RFTN2: variants seen among roughly 807,000 people sequenced by gnomAD.
The protein encoded by RFTN2 is raftlin family member 2.
Under a neutral mutation model 52.7 loss-of-function variants are expected in RFTN2, and 34 were observed. That is an observed-to-expected ratio of 0.64 (90% CI 0.49 to 0.86). The LOEUF is 0.86. Among genes scored for constraint, RFTN2 ranks in the 40% least tolerant of loss-of-function variants. RFTN2 has a pLI of 0.00. For synonymous variants in RFTN2, 203 were observed against 217.7 expected (o/e 0.93, Z 0.59); for missense variants, 536 against 600.1 (o/e 0.89, Z 1.12).
intron 5 of RFTN2, among the ~76,000 whole-genome samples, chr2:197,619,969 G>A (rs1481749164): frequency 6.7e-6 from 1 of 150,320 alleles, no homozygotes; most frequent in East Asian, 1.9e-4. Context: ...AGAAGCGAGT[G>A]GAAAATCAAT....
intron 1 of RFTN2, among the ~76,000 whole-genome samples, chr2:197,666,177 C>T (rs1460304144): frequency 6.6e-6 from 1 of 152,038 alleles, no homozygotes; most frequent in East Asian, 1.9e-4. Context: ...CTCTGCCTCC[C>T]AGCTTCAAGC....
intron 5 of RFTN2, among the ~76,000 whole-genome samples, chr2:197,619,971 A>G (rs1256482064): frequency 6.6e-6 from 1 of 151,740 alleles, no homozygotes; most frequent in Non-Finnish European, 1.5e-5. Flanking sequence ...AAGCGAGTGG[A>G]AAATCAATCT....
At chr2:197,609,038 G>A (rs1162439048) in intron 7 of RFTN2, among the ~76,000 whole-genome samples, 1 of 152,110 alleles carries the variant, frequency 6.6e-6, no homozygotes, top group Non-Finnish European at 1.5e-5. Context: ...TATCATTAAT[G>A]GGCATTTGGG....
chr2:197,590,798 C>A (rs187696070), intron 8 of RFTN2, among the ~76,000 whole-genome samples: 1 of 152,162 alleles, frequency 6.6e-6, no homozygotes, highest in Non-Finnish European at 1.5e-5. Flanking sequence ...CCGGTGGGTT[C>A]GTGGTCTGGC....
intron 1 of RFTN2, among the ~76,000 whole-genome samples, chr2:197,650,183 G>T (rs2088806364): frequency 6.6e-6 from 1 of 151,942 alleles, no homozygotes; most frequent in African/African-American, 2.4e-5. Flanking sequence ...GTACAGTTCA[G>T]TAGTGTTAAG....
chr2:197,663,315 G>A (rs544281959), intron 1 of RFTN2, among the ~76,000 whole-genome samples: 21 of 152,026 alleles, frequency 1.4e-4, no homozygotes, highest in Non-Finnish European at 2.5e-4. Context: ...TTTTTGTTGT[G>A]TTGGCCTTAC....
intron 3 of RFTN2, among the ~76,000 whole-genome samples, chr2:197,636,372 C>G (rs1166260465): frequency 7.3e-6 from 1 of 137,232 alleles, no homozygotes; most frequent in African/African-American, 2.8e-5. Context: ...TACCCATGAG[C>G]ATGGAATGTT....
At position 197,568,358 on chromosome 2, in the gene RFTN2, C is replaced by G. The variant is rs1050821320; in HGVS notation, c.*3650G>C. 6.6e-6 allele frequency: 1 copy of G among 152,150 alleles called. No individual in the cohort carries two copies. Among genetic ancestry groups the G allele is most frequent in the South Asian group, 2.1e-4 (1 of 4,830 alleles). 9.4% of individuals were successfully genotyped at this position (152,150 alleles called of 1,614,324 possible). On this transcript the variant is annotated 3_prime_UTR_variant, in exon 9 of 9. Transcript: ENST00000295049. Reference sequence around the variant, plus strand: ...GTCGTCTTCACCAAAACTTTATGAACCTCATCAAAACTGAGGCTCATCATT... The same window carrying G: ...GTCGTCTTCACCAAAACTTTATGAAGCTCATCAAAACTGAGGCTCATCATT...
intron 7 of RFTN2, 111 bp downstream of exon 7, chr2:197,615,765 G>A (rs1032957752): frequency 9.5e-6 from 6 of 629,986 alleles, no homozygotes; most frequent in Admixed American, 2.7e-5. Context: ...TCGAAGCTCA[G>A]TGTAATGTTT....
chr2:197,629,675 T>TACACACACACACACACACACACAC (rs60384360), intron 5 of RFTN2, among the ~76,000 whole-genome samples: 40 of 146,600 alleles, frequency 2.7e-4, no homozygotes, highest in Admixed American at 7.5e-4. Context: ...TTAATTTTTA[T>TACACACACACACACACACACACAC]ACACACACAC....
intron 8 of RFTN2, among the ~76,000 whole-genome samples, chr2:197,577,997 G>A (rs866154638): frequency 1.3e-5 from 2 of 152,148 alleles, no homozygotes; most frequent in African/African-American, 4.8e-5. Flanking sequence ...GATTACAGGC[G>A]TGAGCCACCG....
chr2:197,594,364 G>A (rs1009784958), intron 8 of RFTN2, among the ~76,000 whole-genome samples: 8 of 151,662 alleles, frequency 5.3e-5, no homozygotes, highest in Admixed American at 2.6e-4. Context: ...GTCTCACTCC[G>A]TCACCCAGGC....
Position 197,569,699 on chromosome 2 carries a change from T to C in RFTN2, c.*2309A>G, listed in dbSNP as rs904085535. 2.6e-5 allele frequency: 4 copies of C among 152,136 alleles called. No homozygotes were observed. The highest frequency in any genetic ancestry group is 2.0e-4 in the Admixed American group (3 of 15,254). The allele number at this position is 152,136 out of a possible 1,614,324, so 9.4% of individuals were successfully genotyped here. A position where few individuals can be genotyped will look rare whatever the true frequency, so the allele number is the denominator to read the frequency against. ...GGCTCACACCTGTAATCCCAGCACA[T>C]TGGGAGGCCAAGGTGGGTGGATTGC... On this transcript the variant is annotated 3_prime_UTR_variant, in exon 9 of 9. Coordinates refer to ENST00000295049, the MANE Select transcript of RFTN2 (RefSeq NM_144629.3).
intron 7 of RFTN2, among the ~76,000 whole-genome samples, chr2:197,611,533 T>G (rs1038456312): frequency 6.6e-6 from 1 of 152,212 alleles, no homozygotes; most frequent in African/African-American, 2.4e-5. Flanking sequence ...TAGTGGTCTA[T>G]GTATTTTGTT....
At chr2:197,629,570 T>C (rs2088426637) in intron 5 of RFTN2, among the ~76,000 whole-genome samples, 1 of 151,728 alleles carries the variant, frequency 6.6e-6, no homozygotes, top group African/African-American at 2.4e-5. Context: ...ATTGTGCACA[T>C]GTACCCTAGA....
At chr2:197,637,366 G>T (rs1416512616) in intron 3 of RFTN2, among the ~76,000 whole-genome samples, 1 of 152,058 alleles carries the variant, frequency 6.6e-6, no homozygotes, top group East Asian at 1.9e-4. Flanking sequence ...AATCCATCTG[G>T]TCCTGGACTC....
Position 197,665,517 on chromosome 2 carries a change from C to CT in RFTN2, c.139+9802dup. The stretch of plus-strand genomic sequence containing the variant: ...ATTCCTTTATCATTATGTACCTTGC[C>CT]TTTTTTTTTTTTTTTTACTGTTTTC... On this transcript the variant is annotated intron_variant, in intron 1 of 8. Transcript: ENST00000295049. Among the ~76,000 whole-genome samples, 104 of 41,504 alleles carry CT rather than the reference C, an allele frequency of 2.5e-3. 5 individuals are homozygous for CT. The highest frequency in any genetic ancestry group is 0.031 in the Middle Eastern group (1 of 32). 27.2% of individuals were successfully genotyped at this position (41,504 alleles called of 152,430 possible). A position where few individuals can be genotyped will look rare whatever the true frequency, so the allele number is the denominator to read the frequency against.
intron 3 of RFTN2, 151 bp downstream of exon 3, chr2:197,644,007 C>T: frequency 1.0e-5 from 6 of 598,962 alleles, no homozygotes; most frequent in East Asian, 3.0e-5. Flanking sequence ...AACGCTTTAC[C>T]ATTTGGCACA....
chr2:197,582,567 C>A (rs1168028334), intron 8 of RFTN2, among the ~76,000 whole-genome samples: 1 of 152,240 alleles, frequency 6.6e-6, no homozygotes, highest in East Asian at 1.9e-4. Context: ...CTGCCCCCCT[C>A]CACTACCTCT....
Sources: gnomAD v4.1 joint callset for allele counts (sites outside exome capture counted in the v4.1 genomes callset) on GRCh38, gnomAD v4.1.1 for gene constraint, MANE v1.5 for transcripts, NCBI Gene and HGNC (gene_info 2026-07-23, HGNC 2026-07-21) for gene names.